ZNF442: variants seen among roughly 807,000 people sequenced by gnomAD.
The protein encoded by ZNF442 is zinc finger protein 442.
In ZNF442, 45 loss-of-function variants were observed where a neutral mutation model predicts 57.0. The ratio of observed to expected loss-of-function variants is 0.79; its 90% confidence interval spans 0.62 to 1.01. ZNF442 has a LOEUF of 1.01. Among genes scored for constraint, ZNF442 ranks in the 50% least tolerant of loss-of-function variants. The pLI is 0.00. For synonymous variants in ZNF442, 213 were observed against 241.8 expected (o/e 0.88, Z 1.10); for missense variants, 690 against 756.5 (o/e 0.91, Z 1.03).
the ZNF442 span, among the ~76,000 whole-genome samples, chr19:12,371,131 A>G: frequency 6.6e-6 from 1 of 152,262 alleles, no homozygotes; most frequent in Admixed American, 6.5e-5. Context: ...CATGGCTAAA[A>G]AGAAAGAAGC....
rs746699758 is a variant in ZNF442 at position 12,350,504 on chromosome 19, G to A, written c.1081C>T (p.Pro361Ser). ...CKICGKGFDC[P>S]SSLQSHERTH... ...CTTTCATGACTTTGCAGTGAACTAG[G>A]ACAATCAAAGCCTTTCCCACATATC... The change falls in exon 6 of 6, where the codon CCT becomes TCT. Residue 361 changes from proline to serine, a missense_variant. Physicochemically the swap from Pro to Ser is moderately conservative, Grantham distance 74. Transcript: ENST00000242804. 5.6e-6 allele frequency: 9 copies of A among 1,611,644 alleles called. No homozygotes were observed. Among genetic ancestry groups the A allele is most frequent in the South Asian group, 1.1e-5 (1 of 90,964 alleles).
Position 12,351,926 on chromosome 19 carries a change from T to C in ZNF442, c.266+84A>G, listed in dbSNP as rs1200904314. ...AATAAGTTTGTACTGGGCTCGTTCA[T>C]TTTCTTTGCCTAGTTGTATAATTTC... On this transcript the variant is annotated intron_variant, in intron 5 of 5. Coordinates refer to ENST00000242804, the MANE Select transcript of ZNF442 (RefSeq NM_030824.3). 2.3e-6 allele frequency: 3 copies of C among 1,305,462 alleles called. No homozygotes were observed. In the African/African-American group the frequency reaches 4.4e-5, roughly 19 times the overall value. 80.9% of individuals were successfully genotyped at this position (1,305,462 alleles called of 1,614,324 possible). A position where few individuals can be genotyped will look rare whatever the true frequency, so the allele number is the denominator to read the frequency against.
intron 5 of ZNF442, 86 bp downstream of exon 5, chr19:12,351,924 C>G: frequency 8.0e-7 from 1 of 1,257,430 alleles, no homozygotes; most frequent in South Asian, 1.3e-5. Flanking sequence ...TGGGCTCGTT[C>G]ATTTTCTTTG....
chr19:12,349,865 A>G lies in ZNF442; in HGVS notation c.1720T>C (p.Cys574Arg). ...RIHTGKKSYE[C>R]QQCGKAFTRS... ...GTGAAGGCTTTACCACATTGTTGACATTCATAAGATTTCTTTCCAGTGTGA... is the reference window on the plus strand; with the variant it reads ...GTGAAGGCTTTACCACATTGTTGACGTTCATAAGATTTCTTTCCAGTGTGA... Residue 574 changes from cysteine to arginine, a missense_variant, in exon 6 of 6, where the codon TGT (cysteine) becomes CGT (arginine). Coordinates refer to ENST00000242804, the MANE Select transcript of ZNF442 (RefSeq NM_030824.3). 6.2e-7 allele frequency: 1 copy of G among 1,613,650 alleles called. No homozygotes were observed. Among genetic ancestry groups the G allele is most frequent in the Non-Finnish European group, 8.5e-7 (1 of 1,179,942 alleles).
At chr19:12,366,294 G>C (rs1250329814), upstream of ZNF442, among the ~76,000 whole-genome samples, 1 of 152,154 alleles carries the variant, frequency 6.6e-6, no homozygotes, top group Non-Finnish European at 1.5e-5. Flanking sequence ...GAAAAAACCT[G>C]AATTAGTTCA....
chr19:12,356,978 A>G (rs909307789), intron 3 of ZNF442, among the ~76,000 whole-genome samples: 2 of 152,178 alleles, frequency 1.3e-5, no homozygotes, highest in Non-Finnish European at 2.9e-5. Context: ...AAAAAAGAAT[A>G]TTTTCAACAA....
Position 12,350,075 on chromosome 19 carries a change from A to G in ZNF442, c.1510T>C (p.Ser504Pro). The G allele has an allele frequency of 6.2e-7, 1 of 1,612,834 alleles. No homozygotes were observed. Among genetic ancestry groups the G allele is most frequent in the Non-Finnish European group, 8.5e-7 (1 of 1,179,740 alleles). ...GCCATGTGAGTCCTTCTATGTTGAG[A>G]AAGGTATGTGAAACAACTGAATGCT... ...GKAFSCFTYL[S>P]QHRRTHMAEK... Residue 504 changes from serine (S) to proline (P), a missense_variant, in exon 6 of 6, where the codon TCT becomes CCT. Physicochemically the swap from Ser to Pro is moderately conservative, Grantham distance 74. Transcript: ENST00000242804.
upstream of ZNF442, among the ~76,000 whole-genome samples, chr19:12,366,256 T>A (rs1969528885): frequency 6.6e-6 from 1 of 152,184 alleles, no homozygotes; most frequent in South Asian, 2.1e-4. Flanking sequence ...GCAGTAATCT[T>A]CTATAAAGGA....
chr19:12,363,520 C>T, intron 3 of ZNF442, 34 bp downstream of exon 3: 2 of 1,604,358 alleles, frequency 1.2e-6, no homozygotes, highest in Non-Finnish European at 1.7e-6. Context: ...GAGGTTCTTG[C>T]ACAACTGGAA....
In ZNF442 at chr19:12,349,903, C is replaced by T. The variant is rs189678282; in HGVS notation, c.1682G>A (p.Arg561Gln). ...KAFSWLTCLL[R>Q]HERIHTGKKS... Reference sequence around the variant, plus strand: ...CTTTCCAGTGTGAATTCTTTCATGTCGCAGAAGGCAAGTGAGCCAAGAGAA... The same window carrying T: ...CTTTCCAGTGTGAATTCTTTCATGTTGCAGAAGGCAAGTGAGCCAAGAGAA... The change falls in exon 6 of 6, where the codon CGA becomes CAA. Residue 561 changes from arginine to glutamine, a missense_variant. Transcript: ENST00000242804. 1.1e-5 allele frequency: 18 copies of T among 1,614,048 alleles called. No homozygotes were observed. The highest frequency in any genetic ancestry group is 6.7e-5 in the African/African-American group (5 of 75,002).
rs1442049540 is a variant in ZNF442, at chr19:12,350,717, C to T, written c.868G>A (p.Glu290Lys). ...YVRHERTHTG[E>K]KPYKCKRCGR... ...CATCGTTTACATTTATAGGGTTTTT[C>T]TCCAGTGTGAGTTCTTTCATGTCTT... is the stretch of plus-strand genomic sequence containing the variant. Residue 290 changes from glutamate to lysine, a missense_variant, in exon 6 of 6, where the codon GAA becomes AAA. Glu to Lys is a moderately conservative substitution (Grantham distance 56). Transcript: ENST00000242804. 3 of 1,614,010 alleles carry T rather than the reference C, an allele frequency of 1.9e-6. No individual in the cohort carries two copies. The highest frequency in any genetic ancestry group is 2.5e-6 in the Non-Finnish European group (3 of 1,180,040).
intron 3 of ZNF442, among the ~76,000 whole-genome samples, chr19:12,361,492 AAT>A (rs1317383799): frequency 6.6e-6 from 1 of 152,194 alleles, no homozygotes; most frequent in African/African-American, 2.4e-5. Flanking sequence ...ATTTTCTGTT[AAT>A]ATGTGTTCAC....
At chr19:12,351,901 A>G in intron 5 of ZNF442, 109 bp downstream of exon 5, 4 of 921,310 alleles carry the variant, frequency 4.3e-6, no homozygotes, top group Admixed American at 2.5e-5. Flanking sequence ...TATAGGAATA[A>G]ATAAGTTTGT....
chr19:12,351,349 G>A (rs1244230878), intron 5 of ZNF442, 31 bp from the exon 6 acceptor site: 1 of 1,552,972 alleles, frequency 6.4e-7, no homozygotes, highest in Non-Finnish European at 8.7e-7. Context: ...ATTAATAAAG[G>A]TTTATTTATA....
At chr19:12,361,306 A>G (rs1969421795) in intron 3 of ZNF442, among the ~76,000 whole-genome samples, 1 of 152,260 alleles carries the variant, frequency 6.6e-6, no homozygotes. Context: ...TAGTAAATTA[A>G]TAATATTTGA....
In ZNF442 at chr19:12,359,706, G is replaced by A. The variant is rs1021507172; in HGVS notation, c.78+3848C>T. On this transcript the variant is annotated intron_variant, in intron 3 of 5. Coordinates refer to ENST00000242804, the MANE Select transcript of ZNF442 (RefSeq NM_030824.3). ...ACTAGAATCTGATTCTCGGCCCGGCGTGGTTGCTCACACCTGTAATCCCAG... is the reference window on the plus strand; with the variant it reads ...ACTAGAATCTGATTCTCGGCCCGGCATGGTTGCTCACACCTGTAATCCCAG... Among the ~76,000 whole-genome samples the A allele has an allele frequency of 4.6e-5, 7 of 152,104 alleles. No homozygotes were observed. In the East Asian group the frequency reaches 5.8e-4, roughly 13 times the overall value.
At position 12,350,650 on chromosome 19, in the gene ZNF442, T is replaced by C. The variant is rs377272395; in HGVS notation, c.935A>G (p.Glu312Gly). ...FSVSSSLRIH[E>G]RTHTGEKPYE... Reference sequence around the variant, plus strand: ...GGGTTTCTCTCCAGTGTGAGTTCTTTCATGTATTCGAAGGGAACTGGAAAC... The same window carrying C: ...GGGTTTCTCTCCAGTGTGAGTTCTTCCATGTATTCGAAGGGAACTGGAAAC... Residue 312 changes from glutamate (E) to glycine (G), a missense_variant, in exon 6 of 6, where the codon GAA (glutamate) becomes GGA (glycine). Transcript: ENST00000242804. 119 of 1,613,978 alleles carry C rather than the reference T, an allele frequency of 7.4e-5. No homozygotes were observed. The highest frequency in any genetic ancestry group is 9.2e-5 in the Non-Finnish European group (108 of 1,180,022).
At chr19:12,369,385 G>T (rs150173512), upstream of ZNF442, among the ~76,000 whole-genome samples, 3,712 of 152,276 alleles carry the variant, frequency 0.024, 158 homozygotes, top group African/African-American at 0.085. Flanking sequence ...TTGGGAGGCC[G>T]AGGCGGGTGG....
chr19:12,352,958 G>T (rs1969268696), intron 4 of ZNF442, 30 bp downstream of exon 4: 5 of 1,585,506 alleles, frequency 3.2e-6, no homozygotes, highest in Non-Finnish European at 4.3e-6. Flanking sequence ...GTCTCTAATT[G>T]ACTAAGTGAA....
Sources: gnomAD v4.1 joint callset for allele counts (sites outside exome capture counted in the v4.1 genomes callset) on GRCh38, gnomAD v4.1.1 for gene constraint, MANE v1.5 for transcripts, NCBI Gene and HGNC (gene_info 2026-07-23, HGNC 2026-07-21) for gene names.